The following PRKAR1B variants were observed in gnomAD, a reference collection of about 807,000 sequenced individuals.
The protein encoded by PRKAR1B is cAMP-dependent protein kinase type I-beta regulatory subunit.
In PRKAR1B, 22 loss-of-function variants were observed where a neutral mutation model predicts 46.5. That is an observed-to-expected ratio of 0.47 (90% CI 0.34 to 0.68). PRKAR1B has a LOEUF of 0.68. Ranked by LOEUF, PRKAR1B falls within the 30% of genes least tolerant of loss-of-function variation. PRKAR1B has a pLI of 0.01. For missense variants in PRKAR1B, 445 were observed against 535.6 expected, an observed-to-expected ratio of 0.83 and a Z score of 1.67; for synonymous variants, 259 against 217.7, an observed-to-expected ratio of 1.19 and a Z score of -1.67.
chr7:635,856 G>A (rs957863300), intron 4 of PRKAR1B, among the ~76,000 whole-genome samples: 1 of 151,940 alleles, frequency 6.6e-6, no homozygotes, highest in Admixed American at 6.6e-5. Flanking sequence ...CCACTTAATC[G>A]CCAGGCCTCA....
chr7:669,332 C>T (rs1413525433), intron 4 of PRKAR1B, among the ~76,000 whole-genome samples: 1 of 152,134 alleles, frequency 6.6e-6, no homozygotes, highest in African/African-American at 2.4e-5. Context: ...ATCAGGGGCC[C>T]AGGAGGGGGT....
At chr7:669,883 T>TTTTTTTTTTTTTTA (rs770566286) in intron 4 of PRKAR1B, among the ~76,000 whole-genome samples, 4 of 144,734 alleles carry the variant, frequency 2.8e-5, no homozygotes, top group Admixed American at 6.9e-5. Context: ...TTTTTTTTTT[T>TTTTTTTTTTTTTTA]GAGACGGAGT....
chr7:585,376 G>C (rs1218528771), intron 7 of PRKAR1B, among the ~76,000 whole-genome samples: 1 of 152,140 alleles, frequency 6.6e-6, no homozygotes, highest in East Asian at 1.9e-4. Context: ...GTACAGAGCA[G>C]CCGCACGGTG....
At chr7:579,166 A>C in intron 9 of PRKAR1B, 90 bp downstream of exon 9, 1 of 1,605,084 alleles carries the variant, frequency 6.2e-7, no homozygotes, top group South Asian at 1.1e-5. Context: ...CTCCAGAGGG[A>C]GGGTGAGGCG....
intron 2 of PRKAR1B, chr7:697,047 T>A (rs1354843385): frequency 1.7e-4 from 26 of 152,148 alleles, no homozygotes; most frequent in Admixed American, 1.7e-3. Context: ...TGCAGGACGG[T>A]CGAGGTCGTG....
chr7:728,927 G>C (rs1330199003), upstream of PRKAR1B, among the ~76,000 whole-genome samples: 4 of 152,000 alleles, frequency 2.6e-5, no homozygotes, highest in Non-Finnish European at 5.9e-5. Context: ...CCGTTTCCCA[G>C]ACGGGCCCCA....
intron 4 of PRKAR1B, among the ~76,000 whole-genome samples, chr7:630,160 C>T (rs574148134): frequency 1.6e-4 from 25 of 152,354 alleles, no homozygotes; most frequent in African/African-American, 6.0e-4. Flanking sequence ...GTGGAAGAGC[C>T]AGGCACACCC....
At chr7:588,684 A>G (rs111210968) in intron 7 of PRKAR1B, among the ~76,000 whole-genome samples, 1,215 of 10,674 alleles carry the variant, frequency 0.11, 26 homozygotes, top group South Asian at 0.23. Flanking sequence ...GATGACGATG[A>G]TGGTGATGGT....
chr7:654,288 CCAT>C (rs1197122507), intron 4 of PRKAR1B, among the ~76,000 whole-genome samples: 1 of 148,008 alleles, frequency 6.8e-6, no homozygotes, highest in South Asian at 2.2e-4. Flanking sequence ...ACCACCATCA[CCAT>C]CATCACCATC....
At chr7:636,400 G>A (rs1336572069) in intron 4 of PRKAR1B, among the ~76,000 whole-genome samples, 1 of 78,852 alleles carries the variant, frequency 1.3e-5, no homozygotes, top group African/African-American at 4.7e-5. Flanking sequence ...GCGCCCTCAC[G>A]TCCTCCACCG....
intron 1 of PRKAR1B, among the ~76,000 whole-genome samples, chr7:725,892 C>T (rs1781246673): frequency 6.6e-6 from 1 of 152,202 alleles, no homozygotes; most frequent in Non-Finnish European, 1.5e-5. Flanking sequence ...TGATCCCACC[C>T]AGGAACAGAA....
At chr7:726,875 C>A in intron 1 of PRKAR1B, 1 of 1,326,936 alleles carries the variant, frequency 7.5e-7, no homozygotes, top group Non-Finnish European at 9.6e-7. Context: ...GCCTTGGAGG[C>A]CCTGCGGCGC....
At chr7:556,831 G>C (rs1778474688) in intron 9 of PRKAR1B, among the ~76,000 whole-genome samples, 1 of 152,232 alleles carries the variant, frequency 6.6e-6, no homozygotes, top group Non-Finnish European at 1.5e-5. Context: ...TTCTGGAATG[G>C]AGAGGGGGAC....
chr7:699,595 C>G (rs1206784787), intron 2 of PRKAR1B, among the ~76,000 whole-genome samples: 4 of 152,210 alleles, frequency 2.6e-5, no homozygotes, highest in Non-Finnish European at 5.9e-5. Context: ...AGATCTCCTC[C>G]TCTGAGCTCA....
At chr7:621,085 G>A (rs1028876498) in intron 4 of PRKAR1B, among the ~76,000 whole-genome samples, 1 of 152,330 alleles carries the variant, frequency 6.6e-6, no homozygotes, top group Admixed American at 6.5e-5. Context: ...AGAGTATTCT[G>A]AGGTTGAACC....
At chr7:608,753 A>AG (rs1562559790) in intron 4 of PRKAR1B, among the ~76,000 whole-genome samples, 1 of 102,088 alleles carries the variant, frequency 9.8e-6, no homozygotes, top group Non-Finnish European at 1.9e-5. Flanking sequence ...GGCTGTAGGG[A>AG]AGGCTGGGGG....
In PRKAR1B at chr7:562,513, C is replaced by T. The variant is rs142503121; in HGVS notation, c.892-11043G>A. ...GGGTCACCAGCACTGAGGATTCTGC[C>T]CCCTGCAGAGCCTGGAACGCGTCCC... On this transcript the variant is annotated intron_variant, in intron 9 of 10. Coordinates refer to ENST00000537384, the MANE Select transcript of PRKAR1B (RefSeq NM_001164760.2). Among the ~76,000 whole-genome samples, 2,087 of 152,286 alleles carry T rather than the reference C, an allele frequency of 0.014. 74 individuals carry two copies. The East Asian group carries it at 0.15, about 11-fold the overall frequency.
intron 1 of PRKAR1B, chr7:716,615 G>A (rs1163358948): frequency 6.6e-6 from 1 of 152,230 alleles, no homozygotes; most frequent in East Asian, 1.9e-4. Context: ...AAGTATGCAT[G>A]GATGGTGTTT....
chr7:586,300 C>T (rs1429405869), intron 7 of PRKAR1B, among the ~76,000 whole-genome samples: 2 of 152,358 alleles, frequency 1.3e-5, no homozygotes, highest in African/African-American at 4.8e-5. Context: ...ACCCTGTGTG[C>T]TCTGTCCCAC....
Sources: gnomAD v4.1 joint callset for allele counts (sites outside exome capture counted in the v4.1 genomes callset) on GRCh38, gnomAD v4.1.1 for gene constraint, MANE v1.5 for transcripts, NCBI Gene and HGNC (gene_info 2026-07-23, HGNC 2026-07-21) for gene names.